PABPC4L: variants seen among roughly 807,000 people sequenced by gnomAD.
PABPC4L encodes poly(A) binding protein cytoplasmic 4 like.
For missense variants in PABPC4L, 452 were observed against 451.4 expected, an observed-to-expected ratio of 1.00 and a Z score of -0.01; for synonymous variants, 169 against 164.1, an observed-to-expected ratio of 1.03 and a Z score of -0.23.
chr4:134,108,144 A>G, the PABPC4L span, among the ~76,000 whole-genome samples: 1 of 151,674 alleles, frequency 6.6e-6, no homozygotes, highest in African/African-American at 2.4e-5. Flanking sequence ...CCTTATTTAT[A>G]AAATACAGAA....
In PABPC4L at chr4:134,199,819, T is replaced by C; in HGVS notation, c.*88A>G. The C allele has an allele frequency of 4.8e-6, 7 of 1,452,002 alleles. No individual in the cohort carries two copies. The highest frequency in any genetic ancestry group is 2.5e-5 in the East Asian group (1 of 40,002). 89.9% of individuals were successfully genotyped at this position (1,452,002 alleles called of 1,614,324 possible). A position where few individuals can be genotyped will look rare whatever the true frequency, so the allele number is the denominator to read the frequency against. ...AACTAAGCACCCATCATGTGGAATA[T>C]GAAATTTACTGAGGTCAATTCAGGC... On this transcript the variant is annotated 3_prime_UTR_variant, in exon 2 of 2. Transcript: ENST00000421491.
the PABPC4L span, among the ~76,000 whole-genome samples, chr4:134,001,960 C>T: frequency 6.6e-6 from 1 of 151,892 alleles, no homozygotes; most frequent in Non-Finnish European, 1.5e-5. Context: ...GCCTGAAAAG[C>T]CACAGATTCT....
the PABPC4L span, among the ~76,000 whole-genome samples, chr4:134,006,922 A>G: frequency 2.0e-5 from 3 of 151,832 alleles, no homozygotes; most frequent in Non-Finnish European, 4.4e-5. Context: ...TTGTGTTGAT[A>G]CTGCAAGTTG....
chr4:134,106,842 C>A, the PABPC4L span, among the ~76,000 whole-genome samples: 1 of 151,426 alleles, frequency 6.6e-6, no homozygotes, highest in South Asian at 2.1e-4. Flanking sequence ...GAGGTTGCAT[C>A]CTTTCTCTTA....
At chr4:134,087,131 G>T in the PABPC4L span, among the ~76,000 whole-genome samples, 1 of 151,962 alleles carries the variant, frequency 6.6e-6, no homozygotes, top group African/African-American at 2.4e-5. Context: ...ACATGCACAC[G>T]TATGTTTATT....
At chr4:133,993,115 T>C in the PABPC4L span, among the ~76,000 whole-genome samples, 1 of 152,158 alleles carries the variant, frequency 6.6e-6, no homozygotes. Context: ...TTTTATGTCT[T>C]AAGAGGTTTT....
At chr4:134,078,622 A>C in the PABPC4L span, among the ~76,000 whole-genome samples, 2 of 151,126 alleles carry the variant, frequency 1.3e-5, no homozygotes, top group Admixed American at 1.3e-4. Context: ...AATTAGGCTG[A>C]ATTTTCAGCA....
chr4:134,008,434 C>A, the PABPC4L span, among the ~76,000 whole-genome samples: 8 of 151,198 alleles, frequency 5.3e-5, no homozygotes, highest in African/African-American at 1.9e-4. Context: ...CACAATGTGT[C>A]CAAAGTGAGC....
At chr4:134,133,843 A>C in the PABPC4L span, among the ~76,000 whole-genome samples, 1 of 151,992 alleles carries the variant, frequency 6.6e-6, no homozygotes. Flanking sequence ...TTAAATTAGA[A>C]TTTCTTTGAC....
chr4:134,200,361 T>A lies in PABPC4L; in HGVS notation c.659A>T (p.Lys220Met). The change falls in exon 2 of 2, where the codon AAG becomes ATG. Residue 220 changes from lysine (K) to methionine (M), a missense_variant. Lys to Met is a moderately conservative substitution (Grantham distance 95). Coordinates refer to ENST00000421491, the MANE Select transcript of PABPC4L (RefSeq NM_001114734.2). ...TTTCCCACTGGAATCTGTCATCACC[T>A]TAACACTCAGAGTTTTGCCATATTT... Reference protein sequence around the residue: ...FSKYGKTLSVKVMTDSSGKSK... With the variant: ...FSKYGKTLSVMVMTDSSGKSK... 1.3e-6 allele frequency: 2 copies of A among 1,591,466 alleles called. No individual in the cohort carries two copies. Among genetic ancestry groups the A allele is most frequent in the Non-Finnish European group, 1.7e-6 (2 of 1,167,462 alleles).
chr4:134,124,179 G>T, the PABPC4L span, among the ~76,000 whole-genome samples: 1 of 151,984 alleles, frequency 6.6e-6, no homozygotes, highest in Non-Finnish European at 1.5e-5. Context: ...TGCAAATTGG[G>T]TTTTTTGTCA....
At position 134,201,216 on chromosome 4, in the gene PABPC4L, A is replaced by G. The variant is rs975990410; in HGVS notation, c.-197T>C. ...CATCCAAAAGTCCCCACAGCCACCA[A>G]TCTGGCCCTCCTAGGACGCGGCAAC... On this transcript the variant is annotated 5_prime_UTR_variant, in exon 2 of 2. Coordinates refer to ENST00000421491, the MANE Select transcript of PABPC4L (RefSeq NM_001114734.2). 17 of 1,542,736 alleles carry G rather than the reference A, an allele frequency of 1.1e-5. No individual in the cohort carries two copies. The highest frequency in any genetic ancestry group is 6.9e-5 in the African/African-American group (5 of 72,872).
At chr4:134,192,074 T>G (rs887062952), downstream of PABPC4L, among the ~76,000 whole-genome samples, 1 of 152,080 alleles carries the variant, frequency 6.6e-6, no homozygotes, top group African/African-American at 2.4e-5. Context: ...TACTTGAATG[T>G]TCATAGCAGT....
the PABPC4L span, among the ~76,000 whole-genome samples, chr4:134,176,461 G>C: frequency 6.6e-6 from 1 of 152,008 alleles, no homozygotes; most frequent in Non-Finnish European, 1.5e-5. Context: ...AAAACAGTGA[G>C]ACCCTGCCTC....
the PABPC4L span, among the ~76,000 whole-genome samples, chr4:134,125,621 A>T: frequency 6.6e-6 from 1 of 152,184 alleles, no homozygotes; most frequent in African/African-American, 2.4e-5. Context: ...TCATGCTGAC[A>T]TATATCAGTG....
At chr4:134,048,300 T>C in the PABPC4L span, among the ~76,000 whole-genome samples, 1 of 152,138 alleles carries the variant, frequency 6.6e-6, no homozygotes, top group Non-Finnish European at 1.5e-5. Context: ...ATTTCTTCCA[T>C]TCAATAGAAC....
chr4:134,030,234 G>A, the PABPC4L span, among the ~76,000 whole-genome samples: 1 of 151,974 alleles, frequency 6.6e-6, no homozygotes, highest in East Asian at 1.9e-4. Flanking sequence ...CTTTGGAACT[G>A]GGTAACAGGC....
At chr4:134,121,812 C>CTATT in the PABPC4L span, among the ~76,000 whole-genome samples, 4 of 151,694 alleles carry the variant, frequency 2.6e-5, no homozygotes, top group Non-Finnish European at 2.9e-5. Context: ...TGATCCTTTA[C>CTATT]TATTATTGCA....
chr4:134,012,867 T>C, the PABPC4L span, among the ~76,000 whole-genome samples: 3 of 152,136 alleles, frequency 2.0e-5, no homozygotes, highest in Admixed American at 6.5e-5. Flanking sequence ...CTCTCCCTTC[T>C]CTTCATTTCA....
Sources: gnomAD v4.1 joint callset for allele counts (sites outside exome capture counted in the v4.1 genomes callset) on GRCh38, gnomAD v4.1.1 for gene constraint, MANE v1.5 for transcripts, NCBI Gene and HGNC (gene_info 2026-07-23, HGNC 2026-07-21) for gene names.